ST7: variants seen among roughly 807,000 people sequenced by gnomAD.
ST7 encodes the protein suppressor of tumorigenicity 7 protein.
ST7 carries 28 observed loss-of-function variants against 78.7 expected under a neutral mutation model. That is an observed-to-expected ratio of 0.36 (90% CI 0.26 to 0.49). The LOEUF (loss-of-function observed/expected upper bound fraction) is 0.49, where lower values mean the gene tolerates loss of function less well. ST7 is among the 20% of genes least tolerant of loss of function. The probability of loss-of-function intolerance (pLI) is 0.99; values close to 1 mark genes in which losing one functional copy is unlikely to be tolerated. For missense variants in ST7, 418 were observed against 696.0 expected (o/e 0.60, Z 4.49); for synonymous variants, 247 against 249.6 (o/e 0.99, Z 0.10).
chr7:117,130,573 TGTG>T lies in ST7; in HGVS notation c.533_535del (p.Cys178_Asp179delinsTyr). ...CCAAGACCACCAGACATTCTTTACT[TGTG>T]ACTCGGACCATCTGCGTCCCGCAGA... On this transcript the variant is annotated inframe_deletion, in exon 5 of 16. Coordinates refer to ENST00000323984, the MANE Select transcript of ST7 (RefSeq NM_001369598.1). The T allele has an allele frequency of 6.2e-7, 1 of 1,611,328 alleles. No individual in the cohort carries two copies. Among genetic ancestry groups the T allele is most frequent in the Admixed American group, 1.7e-5 (1 of 59,768 alleles).
chr7:117,211,414 G>C (rs1379786411), intron 13 of ST7, among the ~76,000 whole-genome samples: 1 of 152,146 alleles, frequency 6.6e-6, no homozygotes, highest in Non-Finnish European at 1.5e-5. Flanking sequence ...TGTTCTATCA[G>C]AAAGGAAACA....
At position 116,983,891 on chromosome 7, in the gene ST7, C is replaced by T. The variant is rs139026758; in HGVS notation, c.151+30200C>T. 1.7e-3 allele frequency among the ~76,000 whole-genome samples: 263 copies of T among 152,290 alleles called. 2 individuals are homozygous for T. The highest frequency in any genetic ancestry group is 6.0e-3 in the African/African-American group (251 of 41,566). The stretch of plus-strand genomic sequence containing the variant: ...TAATATATTAATCAGTTACTACATA[C>T]TTAAAGTTTTTGGTCTCATTCTTGG... On this transcript the variant is annotated intron_variant, in intron 1 of 15. Transcript: ENST00000323984.
intron 1 of ST7, among the ~76,000 whole-genome samples, chr7:117,058,880 C>T (rs1798201522): frequency 6.6e-6 from 1 of 152,140 alleles, no homozygotes; most frequent in Non-Finnish European, 1.5e-5. Context: ...GAATGAGAGC[C>T]TGTGATTTGC....
chr7:116,981,869 T>G (rs1052157863), intron 1 of ST7, among the ~76,000 whole-genome samples: 2 of 152,246 alleles, frequency 1.3e-5, no homozygotes, highest in African/African-American at 4.8e-5. Flanking sequence ...ATACTTTATT[T>G]AATTGGAAGC....
rs1563078799 is a variant in ST7 at position 117,097,895 on chromosome 7, TATA to T, written c.152-1866_152-1864del. Among the ~76,000 whole-genome samples the T allele has an allele frequency of 8.2e-4, 20 of 24,380 alleles. 2 individuals carry two copies. The South Asian group carries it at 0.021, about 25-fold the overall frequency. 16.0% of individuals were successfully genotyped at this position (24,380 alleles called of 152,430 possible). A position where few individuals can be genotyped will look rare whatever the true frequency, so the allele number is the denominator to read the frequency against. ...TGACATATCACTATATATATATATA[TATA>T]TATATATATATTTTTTTTTTTTTTT... On this transcript the variant is annotated intron_variant, in intron 1 of 15. Transcript: ENST00000323984.
chr7:117,026,747 C>G (rs1796202255), intron 1 of ST7, among the ~76,000 whole-genome samples: 1 of 152,122 alleles, frequency 6.6e-6, no homozygotes, highest in Non-Finnish European at 1.5e-5. Context: ...GGGGAACTGG[C>G]CTTTGGGGGC....
At chr7:117,067,352 C>T (rs1017577406) in intron 1 of ST7, among the ~76,000 whole-genome samples, 1 of 151,872 alleles carries the variant, frequency 6.6e-6, no homozygotes, top group Non-Finnish European at 1.5e-5. Flanking sequence ...ACTAAGAAAA[C>T]CAGAGCTTGA....
chr7:117,019,901 A>G (rs536255936), intron 1 of ST7, among the ~76,000 whole-genome samples: 2 of 152,340 alleles, frequency 1.3e-5, no homozygotes, highest in African/African-American at 4.8e-5. Flanking sequence ...TGATATTCTT[A>G]ATTCCCTTGA....
At chr7:117,134,006 T>A in intron 6 of ST7, 118 bp from the exon 7 acceptor site, 1 of 1,352,192 alleles carries the variant, frequency 7.4e-7, no homozygotes, top group Non-Finnish European at 9.9e-7. Context: ...TTTCTTTGAA[T>A]TTTTTGAAGT....
intron 4 of ST7, 39 bp downstream of exon 4, chr7:117,129,886 T>G (rs762934800): frequency 3.2e-6 from 5 of 1,556,362 alleles, no homozygotes; most frequent in Non-Finnish European, 4.4e-6. Context: ...ATGGGTCTGG[T>G]TCAGAGAGCA....
chr7:117,193,562 TA>T (rs770876596), intron 12 of ST7, among the ~76,000 whole-genome samples: 2 of 152,230 alleles, frequency 1.3e-5, no homozygotes, highest in Non-Finnish European at 1.5e-5. Context: ...CTGGGTTATC[TA>T]CTCTTAAATG....
chr7:116,984,451 G>A (rs186987822), intron 1 of ST7, among the ~76,000 whole-genome samples: 10 of 152,216 alleles, frequency 6.6e-5, no homozygotes, highest in South Asian at 2.1e-4. Context: ...TTTCCATGTT[G>A]GGGTCGGTTA....
chr7:117,203,959 G>T (rs529604180), intron 12 of ST7, among the ~76,000 whole-genome samples: 1 of 152,312 alleles, frequency 6.6e-6, no homozygotes, highest in Non-Finnish European at 1.5e-5. Context: ...ATGAAGCAAA[G>T]TAACCGATGA....
intron 9 of ST7, among the ~76,000 whole-genome samples, chr7:117,143,278 C>T (rs1407412201): frequency 6.6e-6 from 1 of 152,186 alleles, no homozygotes; most frequent in African/African-American, 2.4e-5. Flanking sequence ...CATTCTCCCT[C>T]ACTCTTGTTT....
intron 1 of ST7, among the ~76,000 whole-genome samples, chr7:117,028,201 T>A (rs1357275987): frequency 6.6e-6 from 1 of 152,230 alleles, no homozygotes; most frequent in Non-Finnish European, 1.5e-5. Flanking sequence ...TAATCTAAGT[T>A]TGCTTACCAT....
At chr7:117,043,433 T>C (rs895715904) in intron 1 of ST7, among the ~76,000 whole-genome samples, 1 of 152,202 alleles carries the variant, frequency 6.6e-6, no homozygotes, top group Non-Finnish European at 1.5e-5. Flanking sequence ...ATATTCTGTC[T>C]GCTATTTGAA....
intron 11 of ST7, among the ~76,000 whole-genome samples, chr7:117,189,768 G>A (rs561863988): frequency 3.3e-5 from 5 of 152,272 alleles, no homozygotes; most frequent in South Asian, 2.1e-4. Flanking sequence ...TCATACACAC[G>A]TGGAATGTGG....
chr7:117,189,708 T>C (rs1699382454), intron 11 of ST7, among the ~76,000 whole-genome samples: 1 of 152,206 alleles, frequency 6.6e-6, no homozygotes, highest in African/African-American at 2.4e-5. Context: ...CATCCTTCTA[T>C]TTGTTTTTTG....
chr7:117,183,002 G>T (rs1182780482), intron 10 of ST7, among the ~76,000 whole-genome samples: 1 of 152,174 alleles, frequency 6.6e-6, no homozygotes, highest in Non-Finnish European at 1.5e-5. Context: ...TTTGTGGAGA[G>T]AATGGAGTGG....
Sources: gnomAD v4.1 joint callset for allele counts (sites outside exome capture counted in the v4.1 genomes callset) on GRCh38, gnomAD v4.1.1 for gene constraint, MANE v1.5 for transcripts, NCBI Gene and HGNC (gene_info 2026-07-23, HGNC 2026-07-21) for gene names.